The following CATSPERB variants were observed in gnomAD, a reference collection of about 807,000 sequenced individuals.
CATSPERB encodes cation channel sperm-associated auxiliary subunit beta.
In CATSPERB, 93 loss-of-function variants were observed where a neutral mutation model predicts 128.3. The ratio of observed to expected loss-of-function variants is 0.72; its 90% CI spans 0.61 to 0.86. The LOEUF is 0.86. Among genes scored for constraint, CATSPERB ranks in the 40% least tolerant of loss-of-function variants. CATSPERB has a pLI of 0.00. For missense variants in CATSPERB, 1,153 were observed against 1,329.5 expected (o/e 0.87, Z 2.06); for synonymous variants, 381 against 448.8 (o/e 0.85, Z 1.91).
At chr14:91,684,605 C>CTTTTTTTTTT in intron 10 of CATSPERB, among the ~76,000 whole-genome samples, 1 of 112,346 alleles carries the variant, frequency 8.9e-6, no homozygotes, top group Non-Finnish European at 1.8e-5. Flanking sequence ...GGAGACACTT[C>CTTTTTTTTTT]TTTTTTTTTT....
chr14:91,679,337 A>C (rs1222027530), intron 11 of CATSPERB, among the ~76,000 whole-genome samples: 1 of 152,180 alleles, frequency 6.6e-6, no homozygotes, highest in Non-Finnish European at 1.5e-5. Flanking sequence ...TATTAAAATA[A>C]TTTTGTATGA....
intron 15 of CATSPERB, among the ~76,000 whole-genome samples, chr14:91,657,993 A>G (rs994655466): frequency 6.6e-6 from 1 of 152,150 alleles, no homozygotes; most frequent in Non-Finnish European, 1.5e-5. Flanking sequence ...CAGAAAACTA[A>G]CAATAGAGCT....
intron 20 of CATSPERB, among the ~76,000 whole-genome samples, chr14:91,612,349 C>T (rs1893851934): frequency 6.6e-6 from 1 of 152,066 alleles, no homozygotes; most frequent in Non-Finnish European, 1.5e-5. Context: ...CGGGGTCTCG[C>T]TGTGTTGCCT....
At chr14:91,622,699 C>T (rs1047516783) in intron 18 of CATSPERB, among the ~76,000 whole-genome samples, 4 of 152,208 alleles carry the variant, frequency 2.6e-5, no homozygotes, top group Middle Eastern at 6.8e-3. Flanking sequence ...CAGTTCAAAC[C>T]GACCAACGAA....
intron 22 of CATSPERB, among the ~76,000 whole-genome samples, chr14:91,596,717 T>C (rs566466636): frequency 2.8e-4 from 42 of 152,234 alleles, no homozygotes; most frequent in African/African-American, 9.9e-4. Context: ...TCCTATACAT[T>C]TGGAACAAAG....
At chr14:91,722,418 G>A (rs897821095) in intron 4 of CATSPERB, among the ~76,000 whole-genome samples, 1 of 152,092 alleles carries the variant, frequency 6.6e-6, no homozygotes, top group Non-Finnish European at 1.5e-5. Context: ...ACATATATAT[G>A]TTTCATTTAC....
At chr14:91,636,219 C>T (rs1216068634) in intron 17 of CATSPERB, 14 of 491,152 alleles carry the variant, frequency 2.9e-5, no homozygotes, top group African/African-American at 1.5e-4. Flanking sequence ...AAAACTTAGC[C>T]GGGCTTGGTG....
At position 91,617,660 on chromosome 14, in the gene CATSPERB, C is replaced by G. The variant is rs1620238; in HGVS notation, c.2337G>C (p.Val779=). ...CATAACTGTCAGTATCATCAAAAGT[C>G]ACTTCAGCTGTAACTTCCAACAAAT... The part of the protein sequence containing the change: ...NPNLLEVTAE[V]TFDDTDSYVI... Residue 779 remains valine, a synonymous_variant, in exon 20 of 27, where the codon GTG becomes GTC. Transcript: ENST00000256343. 1,219,117 of 1,597,722 alleles carry G rather than the reference C, an allele frequency of 0.76. 468,380 individuals carry two copies. Among genetic ancestry groups the G allele is most frequent in the East Asian group, 0.97 (42,182 of 43,438 alleles).
rs187425769 is a variant in CATSPERB, at chr14:91,637,076, C to T, written c.1588-497G>A. On this transcript the variant is annotated intron_variant, in intron 16 of 26. Coordinates refer to ENST00000256343, the MANE Select transcript of CATSPERB (RefSeq NM_024764.4). ...CTCACAGACCTCCCCTTGCAGTCTACCCAGGCACTTCTGGCCTAGATTTCT... is the reference window on the plus strand; with the variant it reads ...CTCACAGACCTCCCCTTGCAGTCTATCCAGGCACTTCTGGCCTAGATTTCT... 4.8e-4 allele frequency among the ~76,000 whole-genome samples: 73 copies of T among 152,300 alleles called. 1 individual carries two copies. In the South Asian group the frequency reaches 0.01, roughly 21 times the overall value.
At chr14:91,583,178 G>T (rs372304568) in intron 26 of CATSPERB, among the ~76,000 whole-genome samples, 7 of 152,212 alleles carry the variant, frequency 4.6e-5, no homozygotes, top group East Asian at 3.9e-4. Flanking sequence ...CAGCACTTTG[G>T]GAGGCCAAGG....
rs113981971 is a variant in CATSPERB, at chr14:91,630,960, T to C, written c.1742+5465A>G. On this transcript the variant is annotated intron_variant, in intron 17 of 26. Transcript: ENST00000256343. ...TCTATACTGGCTTTCTTCATGTTTA[T>C]TAAACACATCCCAATTTTTCTTGCC... Among the ~76,000 whole-genome samples, 1,325 of 152,322 alleles carry C rather than the reference T, an allele frequency of 8.7e-3. 17 individuals are homozygous for C. Among genetic ancestry groups the C allele is most frequent in the African/African-American group, 0.03 (1,265 of 41,576 alleles).
intron 22 of CATSPERB, among the ~76,000 whole-genome samples, chr14:91,602,233 C>A (rs1454255436): frequency 6.6e-6 from 1 of 152,090 alleles, no homozygotes; most frequent in East Asian, 1.9e-4. Context: ...CATCACAAAA[C>A]CTCTATCTCA....
chr14:91,596,379 A>G (rs972169909), intron 22 of CATSPERB, among the ~76,000 whole-genome samples: 1 of 151,610 alleles, frequency 6.6e-6, no homozygotes, highest in Non-Finnish European at 1.5e-5. Flanking sequence ...AATTTTTTGT[A>G]TTTTTAGTAG....
intron 23 of CATSPERB, among the ~76,000 whole-genome samples, chr14:91,590,557 A>G (rs1350699263): frequency 2.0e-5 from 3 of 152,082 alleles, no homozygotes; most frequent in Non-Finnish European, 4.4e-5. Context: ...AAAATAAAAT[A>G]ATAATAATTT....
rs1895468248 is a variant in CATSPERB, at chr14:91,691,345, G to A, written c.864+178C>T. On this transcript the variant is annotated intron_variant, in intron 10 of 26. Coordinates refer to ENST00000256343, the MANE Select transcript of CATSPERB (RefSeq NM_024764.4). ...TGCTTAATGGTTGCTACGAATATAT[G>A]TATAAATAATATATGCTACAAATTC... Among the ~76,000 whole-genome samples, 6 of 151,910 alleles carry A rather than the reference G, an allele frequency of 3.9e-5. No individual in the cohort carries two copies. In the South Asian group the frequency reaches 1.2e-3, roughly 32 times the overall value.
intron 14 of CATSPERB, among the ~76,000 whole-genome samples, chr14:91,660,469 C>T (rs190296012): frequency 1.3e-5 from 2 of 152,236 alleles, no homozygotes; most frequent in Admixed American, 1.3e-4. Flanking sequence ...CTTTGTAGAT[C>T]CTCAAATCAC....
rs537960916 is a variant in CATSPERB, at chr14:91,631,664, T to C, written c.1742+4761A>G. ...TGGGCAACAAGAACAAAACTCCATCTCAAAAAACAAACAAAAATAATAATA... is the reference window on the plus strand; with the variant it reads ...TGGGCAACAAGAACAAAACTCCATCCCAAAAAACAAACAAAAATAATAATA... On this transcript the variant is annotated intron_variant, in intron 17 of 26. Transcript: ENST00000256343. 9.8e-4 allele frequency among the ~76,000 whole-genome samples: 148 copies of C among 151,736 alleles called. 2 individuals are homozygous for C. Among genetic ancestry groups the C allele is most frequent in the Admixed American group, 1.2e-3 (19 of 15,234 alleles).
intron 11 of CATSPERB, among the ~76,000 whole-genome samples, chr14:91,682,659 T>G (rs886567557): frequency 6.6e-6 from 1 of 152,146 alleles, no homozygotes. Context: ...CCATCTAGAC[T>G]CTGCCTGCCA....
At position 91,581,071 on chromosome 14, in the gene CATSPERB, G is replaced by T. The variant is rs1893199905; in HGVS notation, c.3169C>A (p.His1057Asn). Residue 1057 changes from histidine (H) to asparagine (N), a missense_variant, in exon 27 of 27, where the codon CAC becomes AAC. By Grantham distance (68) the His-to-Asn change is moderately conservative (BLOSUM62 1). Transcript: ENST00000256343. ...VDEAPLPFPGHTLIAVATAVV... is the reference protein window; with the variant it reads ...VDEAPLPFPGNTLIAVATAVV... The stretch of plus-strand genomic sequence containing the variant: ...GCTGTTGCCACGGCAATAAGCGTGT[G>T]TCCTGGGAATGGCAATGGTGCCTCA... 1 of 1,614,060 alleles carries T rather than the reference G, an allele frequency of 6.2e-7. No homozygotes were observed. The highest frequency in any genetic ancestry group is 1.3e-5 in the African/African-American group (1 of 74,946).
Sources: gnomAD v4.1 joint callset for allele counts (sites outside exome capture counted in the v4.1 genomes callset) on GRCh38, gnomAD v4.1.1 for gene constraint, MANE v1.5 for transcripts, NCBI Gene and HGNC (gene_info 2026-07-23, HGNC 2026-07-21) for gene names.